ATP2B1: variants seen among roughly 807,000 people sequenced by gnomAD.
The protein encoded by ATP2B1 is plasma membrane calcium-transporting ATPase 1.
A neutral mutation model predicts 124.2 loss-of-function variants in ATP2B1; 14 were observed. That is an observed-to-expected ratio of 0.11 (90% CI 0.07 to 0.18). The LOEUF is 0.18. ATP2B1 is among the 10% of genes least tolerant of loss of function. The probability of loss-of-function intolerance (pLI) is 1.00; values close to 1 mark genes in which losing one functional copy is unlikely to be tolerated. For missense variants in ATP2B1, 763 were observed against 1,466.1 expected (o/e 0.52, Z 7.83); for synonymous variants, 449 against 492.4 (o/e 0.91, Z 1.17).
chr12:89,604,746 G>T (rs544671436), intron 15 of ATP2B1, among the ~76,000 whole-genome samples: 4 of 152,158 alleles, frequency 2.6e-5, no homozygotes, highest in African/African-American at 9.6e-5. Context: ...AACCTTAGAG[G>T]CTAGAAAGCA....
chr12:89,661,448 A>G (rs1001705729), intron 1 of ATP2B1, among the ~76,000 whole-genome samples: 2 of 152,348 alleles, frequency 1.3e-5, no homozygotes, highest in South Asian at 2.1e-4. Flanking sequence ...CCAAACACTC[A>G]TAATTGTCTA....
chr12:89,700,640 A>G (rs1891736006), intron 1 of ATP2B1, among the ~76,000 whole-genome samples: 1 of 152,100 alleles, frequency 6.6e-6, no homozygotes, highest in South Asian at 2.1e-4. Context: ...AATCTAACCA[A>G]TTTCACTTTT....
chr12:89,692,643 C>T (rs1438359960), intron 1 of ATP2B1, among the ~76,000 whole-genome samples: 2 of 152,188 alleles, frequency 1.3e-5, no homozygotes, highest in African/African-American at 4.8e-5. Flanking sequence ...TGCAAGCTTG[C>T]TGTTTTTATG....
intron 1 of ATP2B1, among the ~76,000 whole-genome samples, chr12:89,674,733 C>A (rs1888411121): frequency 1.3e-5 from 2 of 152,180 alleles, no homozygotes; most frequent in South Asian, 4.1e-4. Flanking sequence ...GTTCACACAA[C>A]TATTAAGGGG....
rs762300665 is a variant in ATP2B1 at position 89,634,795 on chromosome 12, T to G, written c.770A>C (p.Asp257Ala). ...ATTTTTACCTGATAGAAGTAAGGGA[T>G]CCTTATCTAAAGACTTTTTAACATG... The part of the protein sequence containing the change: ...SDHVKKSLDK[D>A]PLLLSGTHVM... The change falls in exon 5 of 21, where the codon GAT (aspartate) becomes GCT (alanine). Residue 257 changes from aspartate to alanine, a missense_variant. Transcript: ENST00000428670. 6.3e-7 allele frequency: 1 copy of G among 1,598,928 alleles called. No homozygotes were observed. The highest frequency in any genetic ancestry group is 1.1e-5 in the South Asian group (1 of 87,844).
At chr12:89,646,138 A>G (rs549373906) in intron 2 of ATP2B1, among the ~76,000 whole-genome samples, 99 of 152,056 alleles carry the variant, frequency 6.5e-4, no homozygotes, top group Admixed American at 1.7e-3. Flanking sequence ...AAGTGGGTGG[A>G]TGGTAGTCAT....
intron 1 of ATP2B1, among the ~76,000 whole-genome samples, chr12:89,689,236 A>G (rs548830468): frequency 6.6e-6 from 1 of 152,222 alleles, no homozygotes; most frequent in South Asian, 2.1e-4. Flanking sequence ...GATAATCAAC[A>G]AATAATTTTT....
intron 15 of ATP2B1, among the ~76,000 whole-genome samples, chr12:89,606,215 T>C (rs941086823): frequency 3.9e-5 from 6 of 152,202 alleles, no homozygotes; most frequent in African/African-American, 1.2e-4. Context: ...ATGTGGTCTA[T>C]ATGCTTGTGA....
At chr12:89,654,949 C>A (rs113200508) in intron 2 of ATP2B1, among the ~76,000 whole-genome samples, 1 of 152,182 alleles carries the variant, frequency 6.6e-6, no homozygotes, top group African/African-American at 2.4e-5. Context: ...AATGTCCTAA[C>A]CTTTATTTTA....
intron 1 of ATP2B1, among the ~76,000 whole-genome samples, chr12:89,675,926 C>T (rs1425650386): frequency 2.0e-5 from 3 of 152,126 alleles, no homozygotes; most frequent in African/African-American, 7.2e-5. Flanking sequence ...AATAACATTA[C>T]TTGAAGAATA....
intron 1 of ATP2B1, among the ~76,000 whole-genome samples, chr12:89,705,527 A>T (rs1488009884): frequency 6.6e-6 from 1 of 152,172 alleles, no homozygotes; most frequent in Non-Finnish European, 1.5e-5. Flanking sequence ...AATATTACAG[A>T]AGACCAATAG....
intron 12 of ATP2B1, among the ~76,000 whole-genome samples, chr12:89,615,388 A>G (rs11830790): frequency 0.14 from 21,586 of 152,162 alleles, 1,909 homozygotes; most frequent in Non-Finnish European, 0.2. Context: ...GGCCTATGAG[A>G]ACAGGGACCA....
At chr12:89,630,121 T>C (rs1414715853) in intron 6 of ATP2B1, among the ~76,000 whole-genome samples, 3 of 152,110 alleles carry the variant, frequency 2.0e-5, no homozygotes, top group East Asian at 1.9e-4. Flanking sequence ...TATAGTAGAA[T>C]AGAAATGTGA....
chr12:89,617,903 TA>T (rs1275447530), intron 11 of ATP2B1, among the ~76,000 whole-genome samples: 4 of 152,164 alleles, frequency 2.6e-5, no homozygotes, highest in African/African-American at 7.2e-5. Flanking sequence ...CCTTAATACT[TA>T]TTTTTCCTGA....
intron 5 of ATP2B1, among the ~76,000 whole-genome samples, chr12:89,634,155 C>T (rs988666395): frequency 1.3e-5 from 2 of 152,142 alleles, no homozygotes; most frequent in African/African-American, 4.8e-5. Flanking sequence ...GTATCCTCAC[C>T]TATCCTTCCC....
chr12:89,684,062 G>A (rs1429981223), intron 1 of ATP2B1, among the ~76,000 whole-genome samples: 1 of 151,986 alleles, frequency 6.6e-6, no homozygotes, highest in Non-Finnish European at 1.5e-5. Flanking sequence ...ATCCATTAGG[G>A]GGGAAAAAAA....
chr12:89,602,926 T>A, intron 18 of ATP2B1, 117 bp downstream of exon 18: 1 of 841,562 alleles, frequency 1.2e-6, no homozygotes, highest in Non-Finnish European at 1.9e-6. Flanking sequence ...ATATTATATA[T>A]GTCACCAAGG....
At chr12:89,644,667 TTTGTC>T (rs999367076) in intron 2 of ATP2B1, among the ~76,000 whole-genome samples, 2 of 152,128 alleles carry the variant, frequency 1.3e-5, no homozygotes, top group Admixed American at 6.6e-5. Flanking sequence ...TATGCGTAGG[TTTGTC>T]TTGTCTTGTG....
At chr12:89,646,297 G>T (rs1396015419) in intron 2 of ATP2B1, among the ~76,000 whole-genome samples, 2 of 152,146 alleles carry the variant, frequency 1.3e-5, no homozygotes, top group Non-Finnish European at 2.9e-5. Context: ...GGAGAAGTCT[G>T]AGCCAGAGTC....
Sources: allele counts gnomAD v4.1 joint callset (sites outside exome capture counted in the v4.1 genomes callset), GRCh38; gene constraint gnomAD v4.1.1; transcripts MANE v1.5; gene names NCBI Gene and HGNC (gene_info 2026-07-23, HGNC 2026-07-21).